Variants in PROX1 observed in about 807,000 individuals in gnomAD.
The protein encoded by PROX1 is prospero homeobox 1.
A neutral mutation model predicts 58.8 loss-of-function variants in PROX1; 7 were observed. The observed-to-expected ratio is 0.12, with a 90% confidence interval of 0.07 to 0.22. The LOEUF is 0.22. Ranked by LOEUF, PROX1 falls within the 10% of genes least tolerant of loss-of-function variation. The pLI, the probability that PROX1 is intolerant of heterozygous loss-of-function variation, is 1.00. For synonymous variants in PROX1, 350 were observed against 358.3 expected (o/e 0.98, Z 0.26); for missense variants, 675 against 927.8 (o/e 0.73, Z 3.54).
intron 4 of PROX1, among the ~76,000 whole-genome samples, chr1:214,018,086 T>A (rs1664156558): frequency 6.6e-6 from 1 of 152,206 alleles, no homozygotes; most frequent in Admixed American, 6.5e-5. Flanking sequence ...GACAGCCTGT[T>A]TATTTCGCCT....
At chr1:214,005,630 T>G (rs1300550252) in intron 3 of PROX1, among the ~76,000 whole-genome samples, 1 of 152,222 alleles carries the variant, frequency 6.6e-6, no homozygotes, top group East Asian at 1.9e-4. Flanking sequence ...TGTTTCTGTT[T>G]TTGTTTCTGT....
At chr1:214,017,564 C>G (rs1185255318) in intron 4 of PROX1, among the ~76,000 whole-genome samples, 1 of 147,440 alleles carries the variant, frequency 6.8e-6, no homozygotes, top group Non-Finnish European at 1.5e-5. Flanking sequence ...GCTTTTCTCT[C>G]TTTAAAAAAA....
At chr1:214,010,193 T>C (rs1240572432) in intron 3 of PROX1, among the ~76,000 whole-genome samples, 2 of 152,136 alleles carry the variant, frequency 1.3e-5, no homozygotes, top group Non-Finnish European at 2.9e-5. Context: ...AGAAGCGATT[T>C]GCTGATGACT....
chr1:214,005,384 G>T (rs1663671506), intron 3 of PROX1, 112 bp downstream of exon 3: 2 of 787,020 alleles, frequency 2.5e-6, no homozygotes, highest in Non-Finnish European at 4.0e-6. Flanking sequence ...CTACACCTGT[G>T]TTATAATTGA....
chr1:214,022,328 C>T (rs1664308856), intron 4 of PROX1, among the ~76,000 whole-genome samples: 1 of 152,200 alleles, frequency 6.6e-6, no homozygotes, highest in South Asian at 2.1e-4. Context: ...ATTGTATTAG[C>T]ACAAAGTAAG....
At chr1:213,996,272 T>G (rs1430838121) in intron 1 of PROX1, among the ~76,000 whole-genome samples, 197 bp from the exon 2 acceptor site, 1 of 152,194 alleles carries the variant, frequency 6.6e-6, no homozygotes, top group Non-Finnish European at 1.5e-5. Flanking sequence ...TTTTTAATCT[T>G]AATCCATCTT....
rs1341672593 is a variant in PROX1 at position 213,996,713 on chromosome 1, C to G, written c.178C>G (p.Gln60Glu). ...SEQDVEYSVV[Q>E]HADGEKSNVL... ...GCAGGATGTTGAGTATTCAGTGGTG[C>G]AGCATGCAGATGGGGAAAAGTCAAA... The change falls in exon 2 of 5, where the codon CAG becomes GAG. Residue 60 changes from glutamine to glutamate, a missense_variant. Transcript: ENST00000366958. The G allele has an allele frequency of 2.5e-6, 4 of 1,614,182 alleles. No individual in the cohort carries two copies. The Admixed American group carries it at 6.7e-5, about 27-fold the overall frequency.
At chr1:213,989,760 G>T (rs2102676970) in intron 1 of PROX1, 1 of 152,464 alleles carries the variant, frequency 6.6e-6, no homozygotes, top group South Asian at 2.1e-4. Context: ...GAGTGATGGA[G>T]CGTGGGGATG....
At chr1:214,018,113 T>C (rs1664158048) in intron 4 of PROX1, among the ~76,000 whole-genome samples, 1 of 152,178 alleles carries the variant, frequency 6.6e-6, no homozygotes, top group African/African-American at 2.4e-5. Flanking sequence ...AACAAATTCA[T>C]TTAGCAAACC....
upstream of PROX1, chr1:213,984,561 C>T (rs906636679): frequency 6.6e-6 from 1 of 152,434 alleles, no homozygotes; most frequent in Non-Finnish European, 1.5e-5. Context: ...TTCACTTCCC[C>T]CCCATTCAGA....
rs1664813136 is a variant in PROX1, at chr1:214,035,908, AT to A, written c.*78del. 7.3e-7 allele frequency: 1 copy of A among 1,361,962 alleles called. No homozygotes were observed. The highest frequency in any genetic ancestry group is 1.0e-6 in the Non-Finnish European group (1 of 1,004,192). The allele number at this position is 1,361,962 out of a possible 1,614,324, so 84.4% of individuals were successfully genotyped here. On this transcript the variant is annotated 3_prime_UTR_variant, in exon 5 of 5. Transcript: ENST00000366958. ...GGATGTCCAAGTTATATGTGTCTAG[AT>A]TTTGATTTCATATATATGTGTATGG... is the stretch of plus-strand genomic sequence containing the variant.
chr1:214,009,730 G>GA (rs1182174436), intron 3 of PROX1, among the ~76,000 whole-genome samples: 4 of 151,586 alleles, frequency 2.6e-5, no homozygotes, highest in African/African-American at 7.3e-5. Flanking sequence ...GACCATTCTA[G>GA]AAAAAAAATA....
At chr1:214,009,151 A>C (rs1237286703) in intron 3 of PROX1, among the ~76,000 whole-genome samples, 1 of 152,180 alleles carries the variant, frequency 6.6e-6, no homozygotes, top group South Asian at 2.1e-4. Context: ...TAGCCAGATT[A>C]AGGTGTCAGA....
At chr1:214,005,922 G>C (rs1173390171) in intron 3 of PROX1, among the ~76,000 whole-genome samples, 2 of 151,700 alleles carry the variant, frequency 1.3e-5, no homozygotes, top group East Asian at 3.9e-4. Context: ...GGGACCTCCT[G>C]GTTCTCTCTG....
chr1:213,987,195 G>A (rs573065248), upstream of PROX1, among the ~76,000 whole-genome samples: 8 of 152,204 alleles, frequency 5.3e-5, no homozygotes, highest in African/African-American at 1.7e-4. Context: ...TGATAATTTG[G>A]ACTGGAGATA....
At position 213,997,228 on chromosome 1, in the gene PROX1, G is replaced by A. The variant is rs748973496; in HGVS notation, c.693G>A (p.Gln231=). ...AGCTGGTTTCAGCCCGAAAAGAACA[G>A]AAGCGAGAGGAGCGCCGACAGCTGA... ...FQQLVSARKE[Q]KREERRQLKQ... is the part of the protein sequence containing the mutation. The change falls in exon 2 of 5, where the codon CAG becomes CAA. Residue 231 remains glutamine (Q), a synonymous_variant. Transcript: ENST00000366958. The surrounding 1 kb of genome is among the most constrained non-coding windows in gnomAD (Gnocchi z 7.1). The A allele has an allele frequency of 1.2e-6, 2 of 1,612,738 alleles. No individual in the cohort carries two copies. Among genetic ancestry groups the A allele is most frequent in the South Asian group, 1.1e-5 (1 of 90,994 alleles).
At chr1:214,008,966 C>T (rs1375986878) in intron 3 of PROX1, among the ~76,000 whole-genome samples, 1 of 152,190 alleles carries the variant, frequency 6.6e-6, no homozygotes, top group Admixed American at 6.5e-5. Flanking sequence ...GCCGCACCAG[C>T]TCCCTGTTCA....
intron 3 of PROX1, among the ~76,000 whole-genome samples, chr1:214,009,510 G>A (rs1013005005): frequency 6.6e-6 from 1 of 152,110 alleles, no homozygotes; most frequent in South Asian, 2.1e-4. Flanking sequence ...ACAAATTTTA[G>A]TTCACTTCTC....
upstream of PROX1, chr1:213,987,943 A>C (rs1357348565): frequency 6.6e-6 from 1 of 151,376 alleles, no homozygotes; most frequent in Non-Finnish European, 1.5e-5. Context: ...CTGTGTCTTA[A>C]AGTAAATCTT....
Sources: allele counts gnomAD v4.1 joint callset (sites outside exome capture counted in the v4.1 genomes callset), GRCh38; gene constraint gnomAD v4.1.1; non-coding constraint Gnocchi (gnomAD v3.1); transcripts MANE v1.5; gene names NCBI Gene and HGNC (gene_info 2026-07-23, HGNC 2026-07-21).